MSH6: variants seen among roughly 807,000 people sequenced by gnomAD.
MSH6 encodes the protein DNA mismatch repair protein Msh6.
Under a neutral mutation model 119.1 loss-of-function variants are expected in MSH6, and 85 were observed. The ratio of observed to expected loss-of-function variants is 0.71; its 90% CI spans 0.60 to 0.85. The LOEUF (loss-of-function observed/expected upper bound fraction) is 0.85, where lower values mean the gene tolerates loss of function less well. MSH6 is among the 40% of genes least tolerant of loss of function. The pLI is 0.00. For synonymous variants in MSH6, 830 were observed against 586.9 expected, an observed-to-expected ratio of 1.41 and a Z score of -5.99; for missense variants, 2,163 against 1,655.3, an observed-to-expected ratio of 1.31 and a Z score of -5.32.
chr2:47,801,661 G>A (rs778167920), intron 4 of MSH6, among the ~76,000 whole-genome samples: 5 of 151,736 alleles, frequency 3.3e-5, no homozygotes, highest in South Asian at 2.1e-4. Flanking sequence ...GACCCATTGC[G>A]CCTGGCCCTT....
Position 47,806,468 on chromosome 2 carries a change from A to G in MSH6, c.3818A>G (p.Asn1273Ser), listed in dbSNP as rs201830316. 1.2e-6 allele frequency: 2 copies of G among 1,614,108 alleles called. No individual in the cohort carries two copies. Among genetic ancestry groups the G allele is most frequent in the East Asian group, 4.5e-5 (2 of 44,876 alleles). The change falls in exon 9 of 10, where the codon AAT becomes AGT. Residue 1273 changes from asparagine to serine, a missense_variant. Transcript: ENST00000234420. ...RLGHMACMVE[N>S]ECEDPSQETI... ...TTTCTTAAGGCATGCATGGTAGAAA[A>G]TGAATGTGAAGACCCCAGCCAGGAG...
chr2:47,809,810 T>G, downstream of MSH6: 1 of 693,838 alleles, frequency 1.4e-6, no homozygotes. Context: ...TAGAAGTACA[T>G]TAACCCTCTT....
Position 47,798,725 on chromosome 2 carries a change from C to A in MSH6, c.742C>A (p.Arg248=), listed in dbSNP as rs63749980. 1.9e-6 allele frequency: 3 copies of A among 1,614,068 alleles called. No homozygotes were observed. Among genetic ancestry groups the A allele is most frequent in the East Asian group, 4.5e-5 (2 of 44,884 alleles). ...GCGAAGTAGCCGCCAAATAAAAAAACGAAGGGTCATATCAGATTCTGAGAG... is the reference window on the plus strand; with the variant it reads ...GCGAAGTAGCCGCCAAATAAAAAAAAGAAGGGTCATATCAGATTCTGAGAG... ...SRRSSRQIKK[R]RVISDSESDI... is the part of the protein sequence containing the mutation. The change falls in exon 4 of 10, where the codon CGA becomes AGA. Residue 248 remains arginine, a synonymous_variant. Coordinates refer to ENST00000234420, the MANE Select transcript of MSH6 (RefSeq NM_000179.3).
In MSH6 at chr2:47,805,055, CTCAT is replaced by C. The variant is rs780754745; in HGVS notation, c.3556+32_3556+35del. 15 of 1,405,860 alleles carry C rather than the reference CTCAT, an allele frequency of 1.1e-5. No homozygotes were observed. In the Admixed American group the frequency reaches 2.0e-4, roughly 19 times the overall value. 87.1% of individuals were successfully genotyped at this position (1,405,860 alleles called of 1,614,324 possible). A position where few individuals can be genotyped will look rare whatever the true frequency, so the allele number is the denominator to read the frequency against. On this transcript the variant is annotated intron_variant, in intron 6 of 9. Transcript: ENST00000234420. ...GAGTTTTTTGTTTCCCACTTAAGTTCTCATTCAGTCATTTAGATGTGATAAAAGA... is the reference window on the plus strand; with the variant it reads ...GAGTTTTTTGTTTCCCACTTAAGTTCTCAGTCATTTAGATGTGATAAAAGA...
At chr2:47,785,844 G>C (rs1048587693) in intron 1 of MSH6, among the ~76,000 whole-genome samples, 5 of 152,160 alleles carry the variant, frequency 3.3e-5, no homozygotes, top group African/African-American at 1.2e-4. Flanking sequence ...TATGTTATTT[G>C]TTTCTTGAGG....
At chr2:47,808,632 G>GT (rs1670391604), downstream of MSH6, 2 of 488,714 alleles carry the variant, frequency 4.1e-6, no homozygotes, top group South Asian at 7.8e-5. Context: ...GAAGAGAAAT[G>GT]ATTTGTAAAT....
chr2:47,799,503 G>C lies in MSH6; in HGVS notation c.1520G>C (p.Arg507Thr), dbSNP rs2104349227. The C allele has an allele frequency of 6.2e-7, 1 of 1,614,188 alleles. No individual in the cohort carries two copies. The highest frequency in any genetic ancestry group is 8.5e-7 in the Non-Finnish European group (1 of 1,180,038). Reference protein sequence around the residue: ...RKMAHISKYDRVVRREICRII... With the variant: ...RKMAHISKYDTVVRREICRII... ...ATGGCACATATATCCAAGTATGATA[G>C]AGTGGTGAGGAGGGAGATCTGTAGG... The change falls in exon 4 of 10, where the codon AGA becomes ACA. Residue 507 changes from arginine (R) to threonine (T), a missense_variant. Transcript: ENST00000234420.
At chr2:47,802,053 A>G (rs1172283735) in intron 4 of MSH6, among the ~76,000 whole-genome samples, 1 of 152,246 alleles carries the variant, frequency 6.6e-6, no homozygotes, top group East Asian at 1.9e-4. Context: ...TACTGTTTCA[A>G]GGTGCTTTGT....
rs1669264800 is a variant in MSH6 at position 47,798,853 on chromosome 2, G to C, written c.870G>C (p.Leu290=). 12 of 1,614,174 alleles carry C rather than the reference G, an allele frequency of 7.4e-6. No homozygotes were observed. Among genetic ancestry groups the C allele is most frequent in the Non-Finnish European group, 9.3e-6 (11 of 1,180,042 alleles). The part of the protein sequence containing the change: ...SGVGDSESEG[L]NSPVKVARKR... ...TGGGGGATAGTGAGAGTGAAGGCCT[G>C]AACAGCCCTGTCAAAGTTGCTCGAA... The change falls in exon 4 of 10, where the codon CTG becomes CTC. Residue 290 remains leucine (L), a synonymous_variant. Transcript: ENST00000234420.
intron 7 of MSH6, 99 bp from the exon 8 acceptor site, chr2:47,806,105 C>A: frequency 8.6e-7 from 1 of 1,167,352 alleles, no homozygotes; most frequent in Non-Finnish European, 1.3e-6. Flanking sequence ...CGTGGATGTA[C>A]TAACCGATGT....
chr2:47,788,922 G>GTTTTTTTTGTTTTTTTTGTTT (rs1668541391), intron 1 of MSH6, among the ~76,000 whole-genome samples: 2 of 40,932 alleles, frequency 4.9e-5, no homozygotes, highest in African/African-American at 1.0e-4. Context: ...TTTTTTTTTT[G>GTTTTTTTTGTTTTTTTTGTTT]TTTTTTTTTT....
At chr2:47,807,086 T>G (rs1033152036), downstream of MSH6, 1 of 531,970 alleles carries the variant, frequency 1.9e-6, no homozygotes, top group Admixed American at 3.3e-5. Context: ...TCAGGCTGTT[T>G]TATACCCACT....
Position 47,799,102 on chromosome 2 carries a change from TAAG to T in MSH6, c.1120_1122del (p.Lys374del), listed in dbSNP as rs587781660. On this transcript the variant is annotated inframe_deletion, in exon 4 of 10. Coordinates refer to ENST00000234420, the MANE Select transcript of MSH6 (RefSeq NM_000179.3). ...GGTATCATGAAACTTTAGAATGGCT[TAAG>T]GAGGAAAAGAGAAGAGATGAGCACA... 9.9e-6 allele frequency: 16 copies of T among 1,613,902 alleles called. No individual in the cohort carries two copies. The highest frequency in any genetic ancestry group is 1.3e-5 in the African/African-American group (1 of 74,864).
At chr2:47,794,464 T>C (rs1668947633) in intron 2 of MSH6, among the ~76,000 whole-genome samples, 1 of 151,724 alleles carries the variant, frequency 6.6e-6, no homozygotes, top group African/African-American at 2.4e-5. Context: ...GAGAGATGGA[T>C]GTCACCATGT....
intron 1 of MSH6, chr2:47,784,413 C>G (rs981076360): frequency 1.9e-5 from 4 of 210,328 alleles, no homozygotes; most frequent in African/African-American, 9.5e-5. Flanking sequence ...GTGAGTGACT[C>G]CGGGGAAGCC....
In MSH6 at chr2:47,799,939, G is replaced by C. The variant is rs2104378794; in HGVS notation, c.1956G>C (p.Gly652=). ...GGGAAAAGCTAAGTGATGGCATTGG[G>C]GTGATGTTACCCCAGGTGCTTAAAG... ...YFREKLSDGI[G]VMLPQVLKGM... Residue 652 remains glycine (G), a synonymous_variant, in exon 4 of 10, where the codon GGG becomes GGC. Coordinates refer to ENST00000234420, the MANE Select transcript of MSH6 (RefSeq NM_000179.3). The C allele has an allele frequency of 6.2e-7, 1 of 1,614,108 alleles. No homozygotes were observed.
intron 2 of MSH6, among the ~76,000 whole-genome samples, chr2:47,791,701 CAG>C (rs1365122411): frequency 1.4e-5 from 2 of 141,528 alleles, no homozygotes; most frequent in African/African-American, 2.6e-5. Flanking sequence ...TTTCTGGAGA[CAG>C]AGTCTCACTC....
Position 47,806,156 on chromosome 2 carries a change from GTTTTAATTCCTTT to G in MSH6, c.3647-47_3647-35del, listed in dbSNP as rs769684996. 11 of 1,463,252 alleles carry G rather than the reference GTTTTAATTCCTTT, an allele frequency of 7.5e-6. 1 individual carries two copies. The South Asian group carries it at 1.1e-4, about 15-fold the overall frequency. The allele number at this position is 1,463,252 out of a possible 1,614,324, so 90.6% of individuals were successfully genotyped here. On this transcript the variant is annotated intron_variant, in intron 7 of 9. Coordinates refer to ENST00000234420, the MANE Select transcript of MSH6 (RefSeq NM_000179.3). ...GCATTTTTGTTTTAATTCCTTTTTTGTTTTAATTCCTTTGAGTTACTTCCTTATGCATATTTTA... is the reference window on the plus strand; with the variant it reads ...GCATTTTTGTTTTAATTCCTTTTTTGGAGTTACTTCCTTATGCATATTTTA...
At chr2:47,795,491 G>C (rs1330445460) in intron 2 of MSH6, among the ~76,000 whole-genome samples, 1 of 145,316 alleles carries the variant, frequency 6.9e-6, no homozygotes, top group Admixed American at 6.9e-5. Flanking sequence ...ATCGAGACAG[G>C]GTCTTGCACT....
Sources: allele counts gnomAD v4.1 joint callset (sites outside exome capture counted in the v4.1 genomes callset), GRCh38; gene constraint gnomAD v4.1.1; transcripts MANE v1.5; gene names NCBI Gene and HGNC (gene_info 2026-07-23, HGNC 2026-07-21).